CA5A: variants seen among roughly 807,000 people sequenced by gnomAD.
CA5A encodes the protein carbonic anhydrase 5A, mitochondrial.
Under a neutral mutation model 37.1 loss-of-function variants are expected in CA5A, and 28 were observed. The observed-to-expected ratio is 0.75, with a 90% CI of 0.56 to 1.03. The LOEUF is 1.03. CA5A is among the 50% of genes least tolerant of loss of function. The pLI, the probability that CA5A is intolerant of heterozygous loss-of-function variation, is 0.00. For synonymous variants in CA5A, 171 were observed against 158.4 expected, an observed-to-expected ratio of 1.08 and a Z score of -0.60; for missense variants, 444 against 399.9, an observed-to-expected ratio of 1.11 and a Z score of -0.94.
At chr16:87,928,816 T>G (rs1411128322) in intron 1 of CA5A, among the ~76,000 whole-genome samples, 9 of 136,520 alleles carry the variant, frequency 6.6e-5, no homozygotes, top group South Asian at 2.5e-4. Context: ...TCGCCCAGGC[T>G]GCAGTGCAGT....
At chr16:87,932,206 C>T (rs1053098467) in intron 1 of CA5A, among the ~76,000 whole-genome samples, 5 of 152,178 alleles carry the variant, frequency 3.3e-5, no homozygotes, top group South Asian at 2.1e-4. Context: ...CTCCCACGGC[C>T]GCTGCCTCCA....
At chr16:87,936,219 C>T (rs973625350) in intron 1 of CA5A, 90 bp downstream of exon 1, 21 of 845,162 alleles carry the variant, frequency 2.5e-5, no homozygotes, top group East Asian at 7.5e-5. Context: ...CCATCTGGCT[C>T]GGGACGGTCT....
chr16:87,895,105 CCA>C (rs1350881533), intron 5 of CA5A, among the ~76,000 whole-genome samples: 2 of 152,050 alleles, frequency 1.3e-5, no homozygotes, highest in Non-Finnish European at 2.9e-5. Flanking sequence ...CAAAAACTAG[CCA>C]GGTGCAGTGG....
intron 5 of CA5A, among the ~76,000 whole-genome samples, chr16:87,898,821 G>A (rs112503287): frequency 4.2e-5 from 6 of 143,784 alleles, no homozygotes; most frequent in African/African-American, 7.9e-5. Flanking sequence ...TGCAACCTCC[G>A]TCTCCTGGGT....
chr16:87,881,561 C>A, exon 5 of CA5A: 1 of 152,512 alleles, frequency 6.6e-6, no homozygotes. Flanking sequence ...CTCACACAGG[C>A]GTATCTTTAT....
intron 1 of CA5A, among the ~76,000 whole-genome samples, chr16:87,935,083 G>C (rs544868083): frequency 1.3e-5 from 2 of 152,376 alleles, no homozygotes; most frequent in South Asian, 2.1e-4. Flanking sequence ...CAGAGGCTTG[G>C]GGGTGAAGAC....
intron 5 of CA5A, chr16:87,893,594 C>T (rs1445938162): frequency 8.7e-6 from 6 of 693,634 alleles, no homozygotes; most frequent in Admixed American, 7.7e-5. Flanking sequence ...GCAAGACTCA[C>T]AAGAGGGGAA....
chr16:87,895,108 G>A (rs2055783380), intron 5 of CA5A, among the ~76,000 whole-genome samples: 1 of 152,092 alleles, frequency 6.6e-6, no homozygotes, highest in Non-Finnish European at 1.5e-5. Context: ...AAACTAGCCA[G>A]GTGCAGTGGT....
At chr16:87,929,558 A>C (rs141786134) in intron 1 of CA5A, among the ~76,000 whole-genome samples, 1 of 151,926 alleles carries the variant, frequency 6.6e-6, no homozygotes, top group African/African-American at 2.4e-5. Context: ...ACTTGAAAAA[A>C]TTTTTAGCTG....
At position 87,914,047 on chromosome 16, in the gene CA5A, G is replaced by C. The variant is rs1316749834; in HGVS notation, c.341-9143C>G. Among the ~76,000 whole-genome samples the C allele has an allele frequency of 4.6e-5, 7 of 152,352 alleles. No homozygotes were observed. In the East Asian group the frequency reaches 1.3e-3, roughly 29 times the overall value. ...TCCCGGACTTCCTAGCTGGATCTCCGTGAGTGCCAGGGCTGGGTCTGGGAA... is the reference window on the plus strand; with the variant it reads ...TCCCGGACTTCCTAGCTGGATCTCCCTGAGTGCCAGGGCTGGGTCTGGGAA... On this transcript the variant is annotated intron_variant, in intron 2 of 6. Transcript: ENST00000649794.
chr16:87,904,542 C>T (rs372192968), intron 3 of CA5A, among the ~76,000 whole-genome samples: 1 of 152,176 alleles, frequency 6.6e-6, no homozygotes, highest in Non-Finnish European at 1.5e-5. Context: ...TGGCAAGTTC[C>T]GTAACCATTC....
In CA5A at chr16:87,927,011, G is replaced by A. The variant is rs2056323049; in HGVS notation, c.143-66C>T. On this transcript the variant is annotated intron_variant, in intron 1 of 6. Coordinates refer to ENST00000649794, the MANE Select transcript of CA5A (RefSeq NM_001739.2). ...TTCATCCTGTGTCTTGGACGGACAGGGCAGAAACCCGGCCGCACGAGACCC... is the reference window on the plus strand; with the variant it reads ...TTCATCCTGTGTCTTGGACGGACAGAGCAGAAACCCGGCCGCACGAGACCC... 1.9e-5 allele frequency: 22 copies of A among 1,147,302 alleles called. No homozygotes were observed. The East Asian group carries it at 5.1e-4, about 27-fold the overall frequency. The allele number at this position is 1,147,302 out of a possible 1,614,324, so 71.1% of individuals were successfully genotyped here.
rs1005549673 is a variant in CA5A at position 87,926,523 on chromosome 16, C to T, written c.340+225G>A. 7.2e-5 allele frequency among the ~76,000 whole-genome samples: 11 copies of T among 152,346 alleles called. No homozygotes were observed. In the East Asian group the frequency reaches 2.1e-3, roughly 29 times the overall value. The stretch of plus-strand genomic sequence containing the variant: ...GGTGCACCTGTGTGCATGCAGGTGC[C>T]GGCGGTATTCTCATCTGTAAAGTGA... On this transcript the variant is annotated intron_variant, in intron 2 of 6. Transcript: ENST00000649794.
At chr16:87,899,379 T>G (rs1174252128) in intron 5 of CA5A, among the ~76,000 whole-genome samples, 2 of 141,074 alleles carry the variant, frequency 1.4e-5, no homozygotes, top group Non-Finnish European at 3.0e-5. Flanking sequence ...CTGAGCTCAC[T>G]GCAACCTCCA....
chr16:87,917,769 TGTGCACAC>T (rs2056173507), intron 2 of CA5A, among the ~76,000 whole-genome samples: 1 of 97,388 alleles, frequency 1.0e-5, no homozygotes, highest in East Asian at 3.7e-4. Flanking sequence ...ACAGTGCACA[TGTGCACAC>T]ATGCACACAT....
chr16:87,913,662 T>A lies in CA5A; in HGVS notation c.341-8758A>T, dbSNP rs771862163. Reference sequence around the variant, plus strand: ...GAGTGTCTGTGCCGTGGCCCCCCCCTCCTCTCCAATACGAAGAGCCCACAC... The same window carrying A: ...GAGTGTCTGTGCCGTGGCCCCCCCCACCTCTCCAATACGAAGAGCCCACAC... On this transcript the variant is annotated intron_variant, in intron 2 of 6. Transcript: ENST00000649794. Among the ~76,000 whole-genome samples the A allele has an allele frequency of 3.7e-4, 41 of 112,022 alleles. 1 individual carries two copies. The highest frequency in any genetic ancestry group is 4.4e-3 in the Middle Eastern group (1 of 228). The allele number at this position is 112,022 out of a possible 152,430, so 73.5% of individuals were successfully genotyped here.
Position 87,911,479 on chromosome 16 carries a change from T to TA in CA5A, c.341-6576dup, listed in dbSNP as rs1301599373. Reference sequence around the variant, plus strand: ...GGCAGGCACGGGTTGTTTGAAGGCTTAAAATTAGTACACGAGAAGTTTGAG... The same window carrying TA: ...GGCAGGCACGGGTTGTTTGAAGGCTTAAAAATTAGTACACGAGAAGTTTGAG... On this transcript the variant is annotated intron_variant, in intron 2 of 6. Coordinates refer to ENST00000649794, the MANE Select transcript of CA5A (RefSeq NM_001739.2). The surrounding 1 kb of genome is among the most constrained non-coding windows in gnomAD (Gnocchi z 4.6). Among the ~76,000 whole-genome samples the TA allele has an allele frequency of 1.3e-5, 2 of 152,206 alleles. No individual in the cohort carries two copies. Among genetic ancestry groups the TA allele is most frequent in the African/African-American group, 2.4e-5 (1 of 41,458 alleles).
chr16:87,891,416 C>G (rs181274668), intron 6 of CA5A, among the ~76,000 whole-genome samples: 1 of 150,536 alleles, frequency 6.6e-6, no homozygotes, highest in South Asian at 2.1e-4. Flanking sequence ...TGTAGTGAGC[C>G]GAGATCGCAC....
chr16:87,902,581 C>T, intron 3 of CA5A, 61 bp from the exon 4 acceptor site: 1 of 899,274 alleles, frequency 1.1e-6, no homozygotes, highest in Non-Finnish European at 1.9e-6. Context: ...GTCACTTCCC[C>T]TTCTGAATGG....
Sources: gnomAD v4.1 joint callset for allele counts (sites outside exome capture counted in the v4.1 genomes callset) on GRCh38, gnomAD v4.1.1 for gene constraint, Gnocchi (gnomAD v3.1) non-coding constraint, MANE v1.5 for transcripts, NCBI Gene and HGNC (gene_info 2026-07-23, HGNC 2026-07-21) for gene names.